EPS15L1: variants seen among roughly 807,000 people sequenced by gnomAD.
EPS15L1 encodes epidermal growth factor receptor pathway substrate 15 like 1, also known as epidermal growth factor receptor substrate 15-like 1.
A neutral mutation model predicts 117.1 loss-of-function variants in EPS15L1; 43 were observed. That is an observed-to-expected ratio of 0.37 (90% CI 0.29 to 0.47). The LOEUF (loss-of-function observed/expected upper bound fraction) is 0.47, where lower values mean the gene tolerates loss of function less well. Among genes scored for constraint, EPS15L1 ranks in the 20% least tolerant of loss-of-function variants. The pLI is 0.99. For synonymous variants in EPS15L1, 459 were observed against 470.5 expected, an observed-to-expected ratio of 0.98 and a Z score of 0.32; for missense variants, 981 against 1,164.0, an observed-to-expected ratio of 0.84 and a Z score of 2.29.
chr19:16,425,165 C>G lies in EPS15L1; in HGVS notation c.710G>C (p.Arg237Pro), dbSNP rs1234042385. ...GACGCTGCCGTGGGACGGCGTGGAG[C>G]GGAGGCTGTCTTTTGGTGGGGGGCT... ...PASPPPKDSL[R>P]STPSHGSVSS... The change falls in exon 9 of 24, where the codon CGC (arginine) becomes CCC (proline). Residue 237 changes from arginine to proline, a missense_variant. Arg to Pro is a moderately radical substitution (Grantham distance 103). This residue lies in a region of EPS15L1 where 819 missense variants were observed against 949.0 expected (regional missense o/e 0.86). Transcript: ENST00000455140. 6.4e-7 allele frequency: 1 copy of G among 1,566,808 alleles called. No homozygotes were observed.
At position 16,407,549 on chromosome 19, in the gene EPS15L1, C is replaced by T. The variant is rs2092668559; in HGVS notation, c.1267-2800G>A. ...CCATGTTGGCCAGGCTGGTCTTGAA[C>T]TCCTGGCCTCAAGTGATCCGCCAGA... On this transcript the variant is annotated intron_variant, in intron 13 of 23. Transcript: ENST00000455140. Among the ~76,000 whole-genome samples the T allele has an allele frequency of 1.3e-5, 2 of 152,166 alleles. 1 individual carries two copies. Among genetic ancestry groups the T allele is most frequent in the South Asian group, 4.1e-4 (2 of 4,828 alleles).
chr19:16,387,333 C>T (rs1047964577), intron 19 of EPS15L1, among the ~76,000 whole-genome samples: 13 of 152,218 alleles, frequency 8.5e-5, no homozygotes, highest in African/African-American at 3.1e-4. Context: ...GCGGGCAAGG[C>T]ACAGTAGCTC....
At chr19:16,397,111 CAG>C (rs907370872) in intron 16 of EPS15L1, among the ~76,000 whole-genome samples, 4 of 151,250 alleles carry the variant, frequency 2.6e-5, no homozygotes, top group African/African-American at 9.7e-5. Context: ...TTTTCTGAGA[CAG>C]AGTTTCACTC....
chr19:16,395,466 T>A lies in EPS15L1; in HGVS notation c.1793A>T (p.Asp598Val). The change falls in exon 17 of 24, where the codon GAT becomes GTT. Residue 598 changes from aspartate (D) to valine (V), a missense_variant and splice_region_variant. Asp to Val is a radical substitution (Grantham distance 152, BLOSUM62 -3). Around this residue, in one of 5 missense-constraint regions of EPS15L1, gnomAD observed 819 missense variants for 949.0 expected, o/e 0.86. Transcript: ENST00000455140. ...LAERGSFGAM[D>V]DPFKNKALLF... is the part of the protein sequence containing the mutation. ...CAAGGCTTTATTTTTGAAAGGATCATCCTACAATTTTGTGAAGAAACAGGA... is the reference window on the plus strand; with the variant it reads ...CAAGGCTTTATTTTTGAAAGGATCAACCTACAATTTTGTGAAGAAACAGGA... 6.2e-7 allele frequency: 1 copy of A among 1,613,274 alleles called. No homozygotes were observed. Among genetic ancestry groups the A allele is most frequent in the Non-Finnish European group, 8.5e-7 (1 of 1,179,454 alleles).
intron 18 of EPS15L1, 41 bp downstream of exon 18, chr19:16,393,910 G>T (rs757809274): frequency 3.7e-6 from 6 of 1,602,904 alleles, no homozygotes; most frequent in Non-Finnish European, 4.3e-6. Context: ...GCCAGGACTG[G>T]ACACAGTCTA....
At position 16,367,089 on chromosome 19, in the gene EPS15L1, G is replaced by A. The variant is rs79609186; in HGVS notation, c.2381-5105C>T. On this transcript the variant is annotated intron_variant, in intron 22 of 23. Coordinates refer to ENST00000455140, the MANE Select transcript of EPS15L1 (RefSeq NM_001258374.3). ...TGAGTAAGGAGAGAGCTTTACTGACGCGCATTTCAGAAAAGGGGATGGAAA... is the reference window on the plus strand; with the variant it reads ...TGAGTAAGGAGAGAGCTTTACTGACACGCATTTCAGAAAAGGGGATGGAAA... Among the ~76,000 whole-genome samples the A allele has an allele frequency of 1.1e-3, 165 of 151,830 alleles. 1 individual carries two copies. The East Asian group carries it at 0.025, about 23-fold the overall frequency.
At chr19:16,468,682 C>T (rs1027455811) in intron 1 of EPS15L1, among the ~76,000 whole-genome samples, 3 of 147,804 alleles carry the variant, frequency 2.0e-5, no homozygotes, top group Non-Finnish European at 4.5e-5. Context: ...GGAATGGGAG[C>T]TGTGAAAGGT....
At chr19:16,413,312 A>C in intron 13 of EPS15L1, 1 of 673,364 alleles carries the variant, frequency 1.5e-6, no homozygotes, top group South Asian at 1.6e-5. Context: ...GCATTGTCTC[A>C]GCACCTGTGT....
intron 9 of EPS15L1, among the ~76,000 whole-genome samples, chr19:16,423,111 G>A (rs913902759): frequency 6.6e-6 from 1 of 152,178 alleles, no homozygotes; most frequent in Non-Finnish European, 1.5e-5. Context: ...CTCCTGTGAT[G>A]TCCAAATCTA....
chr19:16,361,645 G>A, intron 23 of EPS15L1, 134 bp downstream of exon 23: 3 of 1,403,832 alleles, frequency 2.1e-6, no homozygotes, highest in Admixed American at 3.3e-5. Context: ...AATAAATAAC[G>A]CGAGGGACAG....
chr19:16,395,377 A>G lies in EPS15L1; in HGVS notation c.1882T>C (p.Ser628Pro). 5 of 1,614,022 alleles carry G rather than the reference A, an allele frequency of 3.1e-6. No individual in the cohort carries two copies. The highest frequency in any genetic ancestry group is 3.4e-6 in the Non-Finnish European group (4 of 1,179,916). ...GGGTCAGCTCCTTTAAATGGGTCAG[A>G]TTTGAAGGGGTCTTCTGTCTGGAAA... ...DPFQTEDPFK[S>P]DPFKGADPFK... Residue 628 changes from serine (S) to proline (P), a missense_variant, in exon 17 of 24, where the codon TCT becomes CCT. Coordinates refer to ENST00000455140, the MANE Select transcript of EPS15L1 (RefSeq NM_001258374.3).
At chr19:16,418,851 A>T (rs966928481) in intron 10 of EPS15L1, among the ~76,000 whole-genome samples, 5 of 152,164 alleles carry the variant, frequency 3.3e-5, no homozygotes, top group African/African-American at 1.2e-4. Context: ...GTGAGCCCTC[A>T]CCAGACACTG....
rs760228261 is a variant in EPS15L1 at position 16,437,885 on chromosome 19, G to C, written c.214-20C>G. 2 of 1,599,054 alleles carry C rather than the reference G, an allele frequency of 1.3e-6. No homozygotes were observed. The highest frequency in any genetic ancestry group is 2.2e-5 in the South Asian group (2 of 90,744). Reference sequence around the variant, plus strand: ...GAAACCCTGCAAGTCCAAAGAAAGGGAAGGAGTAAACAGCATATCGCCAGT... The same window carrying C: ...GAAACCCTGCAAGTCCAAAGAAAGGCAAGGAGTAAACAGCATATCGCCAGT... On this transcript the variant is annotated intron_variant, in intron 4 of 23. Transcript: ENST00000455140.
In EPS15L1 at chr19:16,369,576, G is replaced by T. The variant is rs544651125; in HGVS notation, c.2380+7546C>A. On this transcript the variant is annotated intron_variant, in intron 22 of 23. Transcript: ENST00000455140. ...CCTCAAAAGGCAAATATCATTTGAAGTGAGAAATAACAATTTTCTAGAGGT... is the reference window on the plus strand; with the variant it reads ...CCTCAAAAGGCAAATATCATTTGAATTGAGAAATAACAATTTTCTAGAGGT... Among the ~76,000 whole-genome samples, 6 of 152,182 alleles carry T rather than the reference G, an allele frequency of 3.9e-5. No individual in the cohort carries two copies. The South Asian group carries it at 6.2e-4, about 16-fold the overall frequency.
chr19:16,471,454 G>A lies in EPS15L1; in HGVS notation c.33+459C>T, dbSNP rs2093345579. ...CGGAAGCAGCTTCCAAGGAGGCAGG[G>A]GATCAGTCTGAGATCGCACTGCTGC... On this transcript the variant is annotated intron_variant, in intron 1 of 23. Coordinates refer to ENST00000455140, the MANE Select transcript of EPS15L1 (RefSeq NM_001258374.3). This position sits in a 1 kb window ranked among gnomAD's most constrained non-coding sequence, Gnocchi z 4.8. Among the ~76,000 whole-genome samples the A allele has an allele frequency of 6.6e-6, 1 of 152,230 alleles. No homozygotes were observed. The highest frequency in any genetic ancestry group is 2.4e-5 in the African/African-American group (1 of 41,460).
intron 11 of EPS15L1, 136 bp from the exon 12 acceptor site, chr19:16,417,773 C>G: frequency 8.5e-7 from 1 of 1,169,928 alleles, no homozygotes; most frequent in South Asian, 1.4e-5. Flanking sequence ...TGTCAGCCCC[C>G]TGCCTGGGGA....
chr19:16,420,757 G>GC (rs2092805527), intron 10 of EPS15L1, among the ~76,000 whole-genome samples: 1 of 152,246 alleles, frequency 6.6e-6, no homozygotes. Context: ...CAAGAGGAGT[G>GC]CCCCAGCCCT....
chr19:16,426,424 A>G (rs944334447), intron 8 of EPS15L1, among the ~76,000 whole-genome samples: 1 of 152,222 alleles, frequency 6.6e-6, no homozygotes, highest in African/African-American at 2.4e-5. Flanking sequence ...ACCTGAGGTC[A>G]GGAGTTCAAG....
At chr19:16,469,971 G>A (rs867891116) in intron 1 of EPS15L1, among the ~76,000 whole-genome samples, 15 of 152,188 alleles carry the variant, frequency 9.9e-5, no homozygotes, top group African/African-American at 3.6e-4. Flanking sequence ...GTAACCCATG[G>A]TGTAGATTTT....
Sources: allele counts gnomAD v4.1 joint callset (sites outside exome capture counted in the v4.1 genomes callset), GRCh38; gene constraint gnomAD v4.1.1; regional missense constraint gnomAD v4.1.1; non-coding constraint Gnocchi (gnomAD v3.1); transcripts MANE v1.5; gene names NCBI Gene and HGNC (gene_info 2026-07-23, HGNC 2026-07-21).